Variants in CBFA2T2 observed in about 807,000 individuals in gnomAD.
The protein encoded by CBFA2T2 is CBFA2/RUNX1 partner transcriptional co-repressor 2.
A neutral mutation model predicts 62.2 loss-of-function variants in CBFA2T2; 11 were observed. The ratio of observed to expected loss-of-function variants is 0.18; its 90% CI spans 0.11 to 0.29. The LOEUF (loss-of-function observed/expected upper bound fraction) is 0.29, where lower values mean the gene tolerates loss of function less well. Ranked by LOEUF, CBFA2T2 falls within the 10% of genes least tolerant of loss-of-function variation. The pLI is 1.00. For missense variants in CBFA2T2, 592 were observed against 774.1 expected, an observed-to-expected ratio of 0.76 and a Z score of 2.79; for synonymous variants, 295 against 287.5, an observed-to-expected ratio of 1.03 and a Z score of -0.27.
intron 1 of CBFA2T2, among the ~76,000 whole-genome samples, chr20:33,537,648 T>C (rs1359204500): frequency 2.6e-5 from 4 of 152,236 alleles, no homozygotes; most frequent in African/African-American, 9.6e-5. Flanking sequence ...TAGATTTACA[T>C]GTAGATCTAA....
intron 3 of CBFA2T2, among the ~76,000 whole-genome samples, chr20:33,619,241 C>G (rs908911241): frequency 1.5e-4 from 22 of 151,714 alleles, no homozygotes; most frequent in African/African-American, 4.4e-4. Context: ...ATAAAAAGAC[C>G]GGGCGCGGTG....
intron 1 of CBFA2T2, among the ~76,000 whole-genome samples, chr20:33,556,461 A>G (rs1333485533): frequency 6.6e-6 from 1 of 152,166 alleles, no homozygotes; most frequent in Non-Finnish European, 1.5e-5. Flanking sequence ...AGGTTACTCC[A>G]CTGCAAAAAT....
Position 33,587,806 on chromosome 20 carries a change from G to A in CBFA2T2, c.35-19150G>A, listed in dbSNP as rs552497448. Among the ~76,000 whole-genome samples the A allele has an allele frequency of 1.2e-4, 19 of 152,266 alleles. No individual in the cohort carries two copies. The South Asian group carries it at 2.1e-3, about 17-fold the overall frequency. ...TTTCACATGTATTTCCTTTTAACTTGTTATGTCTGGGCTGTTTTGGCATTT... is the reference window on the plus strand; with the variant it reads ...TTTCACATGTATTTCCTTTTAACTTATTATGTCTGGGCTGTTTTGGCATTT... On this transcript the variant is annotated intron_variant, in intron 1 of 10. Transcript: ENST00000342704.
intron 1 of CBFA2T2, among the ~76,000 whole-genome samples, chr20:33,586,679 A>G (rs960643447): frequency 1.3e-5 from 2 of 152,184 alleles, no homozygotes; most frequent in African/African-American, 4.8e-5. Context: ...TCTTGGTTAA[A>G]GCATAAAGGG....
chr20:33,643,954 T>G (rs541209830), intron 10 of CBFA2T2, among the ~76,000 whole-genome samples: 1 of 150,274 alleles, frequency 6.7e-6, no homozygotes, highest in South Asian at 2.1e-4. Context: ...GGTCTTAGGA[T>G]AGATGGCTCT....
At chr20:33,621,313 T>TTTTTG (rs1491565812) in intron 4 of CBFA2T2, among the ~76,000 whole-genome samples, 5 of 108,142 alleles carry the variant, frequency 4.6e-5, no homozygotes, top group African/African-American at 2.0e-4. Flanking sequence ...TTTTTTTTTT[T>TTTTTG]GGGGAGACAA....
In CBFA2T2 at chr20:33,554,540, C is replaced by T. The variant is rs1404206861; in HGVS notation, c.35-52416C>T. Among the ~76,000 whole-genome samples, 20 of 150,838 alleles carry T rather than the reference C, an allele frequency of 1.3e-4. 1 individual carries two copies. The highest frequency in any genetic ancestry group is 1.1e-3 in the Admixed American group (17 of 15,170). ...CTGGGGTTACAGGGGTGAGCCACTG[C>T]GCCCGGCCTATTTTTCTTTTTTCTT... On this transcript the variant is annotated intron_variant, in intron 1 of 10. Transcript: ENST00000342704.
Position 33,629,842 on chromosome 20 carries a change from G to C in CBFA2T2, c.1156G>C (p.Glu386Gln). The C allele has an allele frequency of 6.2e-7, 1 of 1,614,130 alleles. No individual in the cohort carries two copies. The change falls in exon 8 of 11, where the codon GAG becomes CAG. Residue 386 changes from glutamate (E) to glutamine (Q), a missense_variant. By Grantham distance (29) the Glu-to-Gln change is conservative. Coordinates refer to ENST00000342704, the MANE Select transcript of CBFA2T2 (RefSeq NM_001032999.3). ...GAAAAGACGGTACAATGAAAACACA[G>C]AGCTGAGGAAAACGGGGACCGAGTT... ...YWKRRYNENT[E>Q]LRKTGTELVS...
At position 33,587,988 on chromosome 20, in the gene CBFA2T2, C is replaced by T. The variant is rs997386800; in HGVS notation, c.35-18968C>T. On this transcript the variant is annotated intron_variant, in intron 1 of 10. Coordinates refer to ENST00000342704, the MANE Select transcript of CBFA2T2 (RefSeq NM_001032999.3). ...TTTAGAATGAATCATTGAATCCTCC[C>T]ATTGAAAGGGAAGATCAAAACCTCC... Among the ~76,000 whole-genome samples, 9 of 152,134 alleles carry T rather than the reference C, an allele frequency of 5.9e-5. No individual in the cohort carries two copies. The East Asian group carries it at 1.7e-3, about 29-fold the overall frequency.
At chr20:33,587,474 G>A (rs1403938533) in intron 1 of CBFA2T2, among the ~76,000 whole-genome samples, 2 of 151,490 alleles carry the variant, frequency 1.3e-5, no homozygotes, top group East Asian at 3.9e-4. Flanking sequence ...CACCGTGTTA[G>A]CCAGGATGGT....
chr20:33,520,830 A>G (rs1472047988), intron 1 of CBFA2T2, among the ~76,000 whole-genome samples: 1 of 152,008 alleles, frequency 6.6e-6, no homozygotes, highest in Non-Finnish European at 1.5e-5. Context: ...CTCGTGGACT[A>G]TGGCATAAAA....
intron 1 of CBFA2T2, among the ~76,000 whole-genome samples, chr20:33,534,824 GCA>G (rs1179779599): frequency 6.9e-6 from 1 of 144,682 alleles, no homozygotes; most frequent in Non-Finnish European, 1.5e-5. Context: ...TCTTATATGG[GCA>G]CAGTTTGTGG....
intron 1 of CBFA2T2, among the ~76,000 whole-genome samples, chr20:33,566,403 C>T (rs761534083): frequency 2.0e-5 from 3 of 151,932 alleles, no homozygotes; most frequent in Admixed American, 6.6e-5. Context: ...GTCAGGAGTT[C>T]GAGACAAGCC....
Position 33,618,188 on chromosome 20 carries a change from T to TTG in CBFA2T2, c.421-1329_421-1328insTG, listed in dbSNP as rs2015781638. On this transcript the variant is annotated intron_variant, in intron 3 of 10. Transcript: ENST00000342704. ...ATATATTTTCCTTTTTTTTTTTTTTTGTTAGGAAAATATATTGTGATAGCG... is the reference window on the plus strand; with the variant it reads ...ATATATTTTCCTTTTTTTTTTTTTTTTGGTTAGGAAAATATATTGTGATAGCG... 4.0e-5 allele frequency among the ~76,000 whole-genome samples: 6 copies of TTG among 149,780 alleles called. No individual in the cohort carries two copies. In the South Asian group the frequency reaches 1.3e-3, roughly 31 times the overall value.
At chr20:33,620,382 G>A (rs1327917896) in intron 4 of CBFA2T2, among the ~76,000 whole-genome samples, 1 of 152,072 alleles carries the variant, frequency 6.6e-6, no homozygotes. Context: ...CCAGGCGCTT[G>A]TAGTCCCAGC....
intron 1 of CBFA2T2, among the ~76,000 whole-genome samples, chr20:33,517,452 G>GTTTTTTTTTTTT (rs1162658335): frequency 6.8e-6 from 1 of 148,042 alleles, no homozygotes; most frequent in Non-Finnish European, 1.5e-5. Context: ...TTTTTTTGGT[G>GTTTTTTTTTTTT]TTTTTTTTTT....
chr20:33,538,470 C>G (rs1050550739), intron 1 of CBFA2T2, among the ~76,000 whole-genome samples: 1 of 152,030 alleles, frequency 6.6e-6, no homozygotes, highest in Admixed American at 6.5e-5. Context: ...ATCCTGGGTT[C>G]AAGCAATTCT....
At chr20:33,502,428 AC>A (rs2011303953) in intron 1 of CBFA2T2, among the ~76,000 whole-genome samples, 1 of 149,420 alleles carries the variant, frequency 6.7e-6, no homozygotes, top group African/African-American at 2.5e-5. Context: ...CGTGTGTGTG[AC>A]GGAGTCTCGC....
chr20:33,544,794 C>T (rs923011230), intron 1 of CBFA2T2, among the ~76,000 whole-genome samples: 15 of 152,128 alleles, frequency 9.9e-5, no homozygotes, highest in African/African-American at 3.6e-4. Flanking sequence ...ATCCCCCCGC[C>T]TCAGCCTCCC....
Sources: gnomAD v4.1 joint callset for allele counts (sites outside exome capture counted in the v4.1 genomes callset) on GRCh38, gnomAD v4.1.1 for gene constraint, MANE v1.5 for transcripts, NCBI Gene and HGNC (gene_info 2026-07-23, HGNC 2026-07-21) for gene names.